WWOX: variants seen among roughly 807,000 people sequenced by gnomAD.
WWOX encodes WW domain-containing oxidoreductase.
In WWOX, 69 loss-of-function variants were observed where a neutral mutation model predicts 46.2. That is an observed-to-expected ratio of 1.49 (90% CI 1.23 to 1.82). WWOX has a LOEUF of 1.82. Among genes scored for constraint, WWOX ranks in the 40% most tolerant of loss-of-function variants. WWOX has a pLI of 0.00. For synonymous variants in WWOX, 359 were observed against 202.6 expected, an observed-to-expected ratio of 1.77 and a Z score of -6.56; for missense variants, 919 against 542.6, an observed-to-expected ratio of 1.69 and a Z score of -6.89.
intron 8 of WWOX, among the ~76,000 whole-genome samples, chr16:79,190,855 C>A (rs1210760107): frequency 6.6e-6 from 1 of 152,208 alleles, no homozygotes; most frequent in Non-Finnish European, 1.5e-5. Flanking sequence ...AAAATATTTA[C>A]TATCTGCCCT....
At position 78,321,433 on chromosome 16, in the gene WWOX, T is replaced by A. The variant is rs543680540; in HGVS notation, c.517-65427T>A. Among the ~76,000 whole-genome samples, 5 of 140,922 alleles carry A rather than the reference T, an allele frequency of 3.5e-5. No homozygotes were observed. In the East Asian group the frequency reaches 8.6e-4, roughly 24 times the overall value. 92.5% of individuals were successfully genotyped at this position (140,922 alleles called of 152,430 possible). Reference sequence around the variant, plus strand: ...ATATATATGTGTGTATATATATATATAAAAATATATTTAAATAATGTTAAG... The same window carrying A: ...ATATATATGTGTGTATATATATATAAAAAAATATATTTAAATAATGTTAAG... On this transcript the variant is annotated intron_variant, in intron 5 of 8. Coordinates refer to ENST00000566780, the MANE Select transcript of WWOX (RefSeq NM_016373.4).
At chr16:78,295,041 C>A (rs1478941123) in intron 5 of WWOX, among the ~76,000 whole-genome samples, 1 of 152,166 alleles carries the variant, frequency 6.6e-6, no homozygotes, top group Non-Finnish European at 1.5e-5. Flanking sequence ...AGGACAGGCT[C>A]ACCCTGGCCT....
chr16:78,670,005 T>C (rs568054974), intron 8 of WWOX, among the ~76,000 whole-genome samples: 8 of 152,302 alleles, frequency 5.3e-5, no homozygotes, highest in African/African-American at 1.9e-4. Flanking sequence ...AGAGCTGTTA[T>C]TTGGCTCGTT....
chr16:78,603,473 T>C (rs781168028), intron 8 of WWOX, among the ~76,000 whole-genome samples: 7 of 152,172 alleles, frequency 4.6e-5, no homozygotes, highest in Non-Finnish European at 7.3e-5. Flanking sequence ...GGAGGACGGA[T>C]TACTTGAGGC....
chr16:79,096,110 C>G (rs1320739353), intron 8 of WWOX, among the ~76,000 whole-genome samples: 2 of 147,960 alleles, frequency 1.4e-5, no homozygotes, highest in Non-Finnish European at 3.0e-5. Flanking sequence ...TCAACTGATC[C>G]GCCTGCCTCG....
intron 8 of WWOX, among the ~76,000 whole-genome samples, chr16:78,756,724 G>A (rs914547147): frequency 2.0e-5 from 3 of 152,222 alleles, no homozygotes; most frequent in Admixed American, 6.5e-5. Flanking sequence ...CTAATTTTAA[G>A]GTGGTGGACA....
intron 8 of WWOX, among the ~76,000 whole-genome samples, chr16:78,737,841 G>A (rs1376422518): frequency 6.6e-6 from 1 of 152,118 alleles, no homozygotes; most frequent in East Asian, 1.9e-4. Flanking sequence ...TGTGTCCTGG[G>A]TGGTTTGTCC....
chr16:78,108,588 C>A lies in WWOX; in HGVS notation c.172+101C>A, dbSNP rs562739863. 65 of 1,343,254 alleles carry A rather than the reference C, an allele frequency of 4.8e-5. No individual in the cohort carries two copies. The East Asian group carries it at 1.4e-3, about 29-fold the overall frequency. 83.2% of individuals were successfully genotyped at this position (1,343,254 alleles called of 1,614,324 possible). Reference sequence around the variant, plus strand: ...CAGGTTATTGTGTGTTTAGGGAGGGCTCTCTGGTAGAGAACCAGACTCCCA... The same window carrying A: ...CAGGTTATTGTGTGTTTAGGGAGGGATCTCTGGTAGAGAACCAGACTCCCA... On this transcript the variant is annotated intron_variant, in intron 2 of 8. Transcript: ENST00000566780.
At chr16:79,106,328 C>T (rs1435543806) in intron 8 of WWOX, among the ~76,000 whole-genome samples, 3 of 152,182 alleles carry the variant, frequency 2.0e-5, no homozygotes, top group African/African-American at 4.8e-5. Context: ...TGTGCTCACT[C>T]AGTTCAGGTG....
At chr16:78,825,535 T>C in intron 8 of WWOX, 3 of 526,432 alleles carry the variant, frequency 5.7e-6, no homozygotes, top group South Asian at 4.2e-5. Flanking sequence ...ATTGTAGAGC[T>C]TTATGCTGAA....
At chr16:78,886,803 G>C (rs982464899) in intron 8 of WWOX, among the ~76,000 whole-genome samples, 3 of 152,214 alleles carry the variant, frequency 2.0e-5, no homozygotes, top group South Asian at 2.1e-4. Context: ...TGCAACAGCT[G>C]TATGGTAAAA....
intron 8 of WWOX, among the ~76,000 whole-genome samples, chr16:78,582,282 G>A (rs889815921): frequency 6.6e-6 from 1 of 152,256 alleles, no homozygotes; most frequent in Admixed American, 6.5e-5. Context: ...GATAGCAATT[G>A]CTGTTGGATT....
At chr16:79,088,124 A>G (rs943016721) in intron 8 of WWOX, among the ~76,000 whole-genome samples, 1 of 152,160 alleles carries the variant, frequency 6.6e-6, no homozygotes, top group Admixed American at 6.5e-5. Context: ...CTCCTGAAGG[A>G]GAACCATCAG....
chr16:78,951,730 C>T (rs986095772), intron 8 of WWOX, among the ~76,000 whole-genome samples: 1 of 152,082 alleles, frequency 6.6e-6, no homozygotes, highest in African/African-American at 2.4e-5. Flanking sequence ...GTTAAGAGGC[C>T]TGGGCCCATG....
intron 8 of WWOX, among the ~76,000 whole-genome samples, chr16:78,742,950 A>G (rs2049265429): frequency 6.6e-6 from 1 of 152,068 alleles, no homozygotes; most frequent in African/African-American, 2.4e-5. Flanking sequence ...TGGCTTGTGG[A>G]AGAGTAAGAG....
At chr16:78,598,696 C>T (rs2941938) in intron 8 of WWOX, among the ~76,000 whole-genome samples, 2 of 152,140 alleles carry the variant, frequency 1.3e-5, no homozygotes, top group Non-Finnish European at 2.9e-5. Flanking sequence ...CATCTCTCCC[C>T]TTAAATGCAA....
chr16:78,602,128 A>T lies in WWOX; in HGVS notation c.1056+169376A>T, dbSNP rs369267228. 2.0e-5 allele frequency among the ~76,000 whole-genome samples: 3 copies of T among 152,344 alleles called. No individual in the cohort carries two copies. In the East Asian group the frequency reaches 5.8e-4, roughly 29 times the overall value. On this transcript the variant is annotated intron_variant, in intron 8 of 8. Coordinates refer to ENST00000566780, the MANE Select transcript of WWOX (RefSeq NM_016373.4). The stretch of plus-strand genomic sequence containing the variant: ...TATTACACGCTTTTGAACTAATCAC[A>T]CTAGTAGAATCTCTCTTTAGTCAGA...
intron 8 of WWOX, among the ~76,000 whole-genome samples, chr16:78,951,691 T>C (rs985393457): frequency 6.6e-6 from 1 of 152,204 alleles, no homozygotes; most frequent in African/African-American, 2.4e-5. Flanking sequence ...ACTGCGGTTC[T>C]ACCCAGTACC....
At chr16:78,118,545 C>T (rs2032928373) in intron 4 of WWOX, among the ~76,000 whole-genome samples, 1 of 152,146 alleles carries the variant, frequency 6.6e-6, no homozygotes, top group Non-Finnish European at 1.5e-5. Flanking sequence ...CATTTATTCC[C>T]ATTCCTATAA....
Sources: allele counts gnomAD v4.1 joint callset (sites outside exome capture counted in the v4.1 genomes callset), GRCh38; gene constraint gnomAD v4.1.1; transcripts MANE v1.5; gene names NCBI Gene and HGNC (gene_info 2026-07-23, HGNC 2026-07-21).